The following TRIO variants were observed in gnomAD, a reference collection of about 807,000 sequenced individuals.
The protein encoded by TRIO is triple functional domain protein.
TRIO carries 58 observed loss-of-function variants against 351.9 expected under a neutral mutation model. The observed-to-expected ratio is 0.16, with a 90% confidence interval of 0.13 to 0.21. The LOEUF is 0.21. TRIO is among the 10% of genes least tolerant of loss of function. The pLI is 1.00. For missense variants in TRIO, 3,201 were observed against 4,027.8 expected (o/e 0.79, Z 5.56); for synonymous variants, 1,758 against 1,595.7 (o/e 1.10, Z -2.42).
At chr5:14,281,604 G>A (rs1388391891) in intron 3 of TRIO, among the ~76,000 whole-genome samples, 1 of 152,100 alleles carries the variant, frequency 6.6e-6, no homozygotes, top group African/African-American at 2.4e-5. Context: ...TATAATCTAA[G>A]GATACAGTCA....
At chr5:14,308,853 T>C (rs1434108074) in intron 8 of TRIO, among the ~76,000 whole-genome samples, 1 of 151,144 alleles carries the variant, frequency 6.6e-6, no homozygotes, top group African/African-American at 2.4e-5. Context: ...TCCATCCATC[T>C]GCCGTATCAC....
intron 11 of TRIO, among the ~76,000 whole-genome samples, chr5:14,337,199 A>T (rs1197412639): frequency 6.6e-6 from 1 of 152,202 alleles, no homozygotes; most frequent in Non-Finnish European, 1.5e-5. Flanking sequence ...AGCTAATGTC[A>T]TAGGCATGCA....
intron 55 of TRIO, among the ~76,000 whole-genome samples, chr5:14,505,439 C>T (rs1285409660): frequency 3.3e-5 from 5 of 152,214 alleles, no homozygotes; most frequent in African/African-American, 7.2e-5. Context: ...GCTGCTTTTC[C>T]ATGGGGAAGG....
intron 11 of TRIO, among the ~76,000 whole-genome samples, chr5:14,350,852 C>T (rs1743017884): frequency 6.6e-6 from 1 of 152,040 alleles, no homozygotes; most frequent in African/African-American, 2.4e-5. Context: ...ACGATTTTTC[C>T]ACAGACCAGC....
chr5:14,322,438 A>T (rs565184806), intron 9 of TRIO, among the ~76,000 whole-genome samples: 23 of 152,344 alleles, frequency 1.5e-4, no homozygotes, highest in African/African-American at 5.5e-4. Flanking sequence ...TTTGAATGCA[A>T]AATGAGGGTC....
intron 13 of TRIO, 132 bp from the exon 14 acceptor site, chr5:14,363,600 A>T: frequency 2.8e-6 from 2 of 720,982 alleles, no homozygotes; most frequent in Non-Finnish European, 4.5e-6. Context: ...ATACCACCAA[A>T]CTCATGCATC....
chr5:14,349,240 T>G (rs1742794084), intron 11 of TRIO, among the ~76,000 whole-genome samples: 1 of 150,850 alleles, frequency 6.6e-6, no homozygotes, highest in Non-Finnish European at 1.5e-5. Context: ...TGTGTTTGTG[T>G]GTGCACACAC....
At chr5:14,211,494 A>G (rs1791888869) in intron 1 of TRIO, among the ~76,000 whole-genome samples, 1 of 152,076 alleles carries the variant, frequency 6.6e-6, no homozygotes, top group South Asian at 2.1e-4. Flanking sequence ...ATATGAAACA[A>G]TAAAATATTT....
At chr5:14,299,400 G>C (rs547063663) in intron 7 of TRIO, among the ~76,000 whole-genome samples, 44 of 152,304 alleles carry the variant, frequency 2.9e-4, no homozygotes, top group African/African-American at 1.0e-3. Context: ...TAATGAAGAA[G>C]GAGCCCAGCG....
intron 7 of TRIO, among the ~76,000 whole-genome samples, chr5:14,302,993 G>A (rs1227684832): frequency 1.3e-5 from 2 of 152,244 alleles, no homozygotes; most frequent in African/African-American, 4.8e-5. Flanking sequence ...TGGAGATGGA[G>A]GGTGTCAGTG....
At chr5:14,287,805 G>A (rs888068407) in intron 4 of TRIO, among the ~76,000 whole-genome samples, 1 of 152,158 alleles carries the variant, frequency 6.6e-6, no homozygotes, top group Non-Finnish European at 1.5e-5. Flanking sequence ...TTTCTAATAA[G>A]AAATACTTTT....
At chr5:14,149,072 A>G (rs1474463514) in intron 1 of TRIO, among the ~76,000 whole-genome samples, 2 of 152,076 alleles carry the variant, frequency 1.3e-5, no homozygotes, top group Non-Finnish European at 2.9e-5. Context: ...GGGAATTCCT[A>G]TTGCTGTGCC....
intron 32 of TRIO, 133 bp from the exon 33 acceptor site, chr5:14,406,440 A>T: frequency 1.2e-6 from 1 of 809,428 alleles, no homozygotes; most frequent in Non-Finnish European, 2.1e-6. Flanking sequence ...AGGGTGCCTT[A>T]ACCATTGTCC....
intron 1 of TRIO, among the ~76,000 whole-genome samples, chr5:14,170,339 T>G (rs1789021777): frequency 1.3e-5 from 2 of 150,516 alleles, no homozygotes; most frequent in Admixed American, 1.3e-4. Flanking sequence ...AAGGTTTGGT[T>G]TTGTTTAAAA....
At chr5:14,349,172 T>C (rs557716505) in intron 11 of TRIO, among the ~76,000 whole-genome samples, 110 of 150,598 alleles carry the variant, frequency 7.3e-4, no homozygotes, top group Non-Finnish European at 9.3e-4. Flanking sequence ...CACGTGAGCA[T>C]GTGTGTTTTT....
chr5:14,455,990 C>A (rs1374644976), intron 34 of TRIO, among the ~76,000 whole-genome samples: 1 of 152,264 alleles, frequency 6.6e-6, no homozygotes, highest in African/African-American at 2.4e-5. Flanking sequence ...TGGTGGGCTG[C>A]AGGTCCCAAG....
chr5:14,270,725 A>G, intron 1 of TRIO, 100 bp from the exon 2 acceptor site: 1 of 830,942 alleles, frequency 1.2e-6, no homozygotes, highest in Non-Finnish European at 2.0e-6. Flanking sequence ...GATTTAATGG[A>G]TGTGGATAAA....
intron 11 of TRIO, among the ~76,000 whole-genome samples, chr5:14,352,359 A>C (rs1296672754): frequency 1.3e-5 from 2 of 152,230 alleles, no homozygotes; most frequent in African/African-American, 4.8e-5. Flanking sequence ...TCCATAGGAC[A>C]CAACTCTCTT....
intron 1 of TRIO, among the ~76,000 whole-genome samples, chr5:14,193,718 G>GT (rs2152156127): frequency 6.6e-6 from 1 of 152,306 alleles, no homozygotes; most frequent in East Asian, 1.9e-4. Flanking sequence ...CTGTCAGAGA[G>GT]TATCTCATTG....
Sources: allele counts gnomAD v4.1 joint callset (sites outside exome capture counted in the v4.1 genomes callset), GRCh38; gene constraint gnomAD v4.1.1; transcripts MANE v1.5; gene names NCBI Gene and HGNC (gene_info 2026-07-23, HGNC 2026-07-21).